Variants in ATP13A5 observed in about 807,000 individuals in gnomAD.
ATP13A5 encodes the protein ATPase 13A5.
A neutral mutation model predicts 150.2 loss-of-function variants in ATP13A5; 149 were observed. The observed-to-expected ratio is 0.99, with a 90% CI of 0.87 to 1.14. The LOEUF is 1.14. ATP13A5 is among the 50% of genes most tolerant of loss of function. ATP13A5 has a pLI of 0.00. For synonymous variants in ATP13A5, 497 were observed against 522.2 expected, an observed-to-expected ratio of 0.95 and a Z score of 0.66; for missense variants, 1,383 against 1,449.3, an observed-to-expected ratio of 0.95 and a Z score of 0.74.
intron 29 of ATP13A5, among the ~76,000 whole-genome samples, chr3:193,276,262 T>G (rs1717194902): frequency 6.6e-6 from 1 of 152,178 alleles, no homozygotes; most frequent in African/African-American, 2.4e-5. Context: ...TCTTACTAAG[T>G]GGGTAAAGTC....
At chr3:193,276,177 T>G (rs1299529219) in intron 29 of ATP13A5, among the ~76,000 whole-genome samples, 2 of 152,202 alleles carry the variant, frequency 1.3e-5, no homozygotes. Flanking sequence ...CAAAAAGTCT[T>G]AAAGCACATG....
At chr3:193,370,623 G>A (rs760641646) in intron 1 of ATP13A5, among the ~76,000 whole-genome samples, 2 of 151,968 alleles carry the variant, frequency 1.3e-5, no homozygotes, top group Non-Finnish European at 2.9e-5. Flanking sequence ...TATTGTCTAG[G>A]GTTATTGTTA....
At chr3:193,314,485 T>C (rs1408371562) in intron 18 of ATP13A5, 2 of 345,986 alleles carry the variant, frequency 5.8e-6, no homozygotes, top group Non-Finnish European at 1.1e-5. Flanking sequence ...AGACAACTCT[T>C]AGTGGAGAAT....
chr3:193,343,320 C>T (rs1440640856), intron 9 of ATP13A5, among the ~76,000 whole-genome samples: 1 of 152,112 alleles, frequency 6.6e-6, no homozygotes, highest in East Asian at 1.9e-4. Flanking sequence ...TTCAAGTAGA[C>T]TTAACAAAGT....
intron 25 of ATP13A5, among the ~76,000 whole-genome samples, chr3:193,296,879 C>T (rs1298413011): frequency 6.6e-6 from 1 of 151,994 alleles, no homozygotes; most frequent in African/African-American, 2.4e-5. Flanking sequence ...AAACCAAGCA[C>T]TGCATATTCT....
At chr3:193,316,173 T>C (rs1317536874) in intron 17 of ATP13A5, among the ~76,000 whole-genome samples, 1 of 152,188 alleles carries the variant, frequency 6.6e-6, no homozygotes, top group Non-Finnish European at 1.5e-5. Flanking sequence ...TATTCCATTA[T>C]ATGTACATAT....
chr3:193,320,054 T>C (rs998876724), intron 16 of ATP13A5, among the ~76,000 whole-genome samples: 1 of 152,260 alleles, frequency 6.6e-6, no homozygotes, highest in Non-Finnish European at 1.5e-5. Flanking sequence ...ATCACAACTA[T>C]GTTTATAAAA....
intron 9 of ATP13A5, among the ~76,000 whole-genome samples, chr3:193,338,778 TC>T (rs1711998037): frequency 6.6e-6 from 1 of 152,208 alleles, no homozygotes; most frequent in Admixed American, 6.5e-5. Context: ...TCCCTCTTTT[TC>T]TAGTGATTGG....
intron 28 of ATP13A5, 150 bp downstream of exon 28, chr3:193,279,216 A>G: frequency 3.3e-6 from 2 of 598,908 alleles, no homozygotes; most frequent in South Asian, 4.7e-5. Flanking sequence ...GGTGAAATCC[A>G]GATATCTTAT....
intron 25 of ATP13A5, among the ~76,000 whole-genome samples, chr3:193,290,529 A>C (rs962967729): frequency 6.6e-6 from 1 of 152,104 alleles, no homozygotes; most frequent in African/African-American, 2.4e-5. Flanking sequence ...TCTATTATTC[A>C]TTCAGCCAAC....
At chr3:193,355,872 C>T (rs1712764493) in intron 5 of ATP13A5, among the ~76,000 whole-genome samples, 1 of 152,178 alleles carries the variant, frequency 6.6e-6, no homozygotes, top group South Asian at 2.1e-4. Flanking sequence ...GAATGCCCTT[C>T]CCACATTCTT....
intron 5 of ATP13A5, among the ~76,000 whole-genome samples, chr3:193,357,278 G>C (rs548013289): frequency 6.6e-6 from 1 of 152,232 alleles, no homozygotes; most frequent in South Asian, 2.1e-4. Flanking sequence ...CATGCTCTTT[G>C]GCTCTCCAAG....
At chr3:193,279,475 A>G (rs753689551) in intron 27 of ATP13A5, 21 bp from the exon 28 acceptor site, 2 of 1,581,168 alleles carry the variant, frequency 1.3e-6, no homozygotes, top group East Asian at 4.5e-5. Flanking sequence ...ACCAAACATT[A>G]TTTTTAGATG....
intron 1 of ATP13A5, among the ~76,000 whole-genome samples, chr3:193,372,045 A>G (rs1204451055): frequency 6.6e-6 from 1 of 151,980 alleles, no homozygotes; most frequent in Non-Finnish European, 1.5e-5. Flanking sequence ...TCACACCTGT[A>G]ATCAGCACTT....
At chr3:193,316,186 C>T (rs1300571219) in intron 17 of ATP13A5, among the ~76,000 whole-genome samples, 1 of 152,072 alleles carries the variant, frequency 6.6e-6, no homozygotes, top group Non-Finnish European at 1.5e-5. Flanking sequence ...GTACATATTA[C>T]ATTTTTAAAA....
intron 25 of ATP13A5, among the ~76,000 whole-genome samples, chr3:193,290,616 G>T (rs1717912396): frequency 6.6e-6 from 1 of 152,136 alleles, no homozygotes; most frequent in Non-Finnish European, 1.5e-5. Flanking sequence ...GGATACACAG[G>T]TGAATGGGGG....
At chr3:193,359,752 G>A (rs1712932588) in intron 5 of ATP13A5, among the ~76,000 whole-genome samples, 1 of 152,030 alleles carries the variant, frequency 6.6e-6, no homozygotes. Flanking sequence ...TGAGAGCTAG[G>A]TCACCAGCAA....
rs1294168589 is a variant in ATP13A5 at position 193,351,090 on chromosome 3, A to C, written c.718T>G (p.Leu240Val). 4 of 1,613,644 alleles carry C rather than the reference A, an allele frequency of 2.5e-6. No individual in the cohort carries two copies. Among genetic ancestry groups the C allele is most frequent in the Non-Finnish European group, 3.4e-6 (4 of 1,179,682 alleles). The stretch of plus-strand genomic sequence containing the variant: ...ACCTGTCGCAAATCATACACACTTA[A>C]GACAATGGAGATAACAGTCAAAATG... ...IIILTVISIV[L>V]SVYDLRQQSV... The change falls in exon 7 of 30, where the codon TTA becomes GTA. Residue 240 changes from leucine (L) to valine (V), a missense_variant. By Grantham distance (32) the Leu-to-Val change is conservative (BLOSUM62 1). Transcript: ENST00000342358.
intron 28 of ATP13A5, 21 bp from the exon 29 acceptor site, chr3:193,276,851 T>A: frequency 6.4e-7 from 1 of 1,565,646 alleles, no homozygotes; most frequent in Non-Finnish European, 8.8e-7. Flanking sequence ...ACAAATACCA[T>A]TATTATATTT....
Sources: gnomAD v4.1 joint callset for allele counts (sites outside exome capture counted in the v4.1 genomes callset) on GRCh38, gnomAD v4.1.1 for gene constraint, MANE v1.5 for transcripts, NCBI Gene and HGNC (gene_info 2026-07-23, HGNC 2026-07-21) for gene names.